The following GOLPH3L variants were observed in gnomAD, a reference collection of about 807,000 sequenced individuals.
The protein encoded by GOLPH3L is golgi phosphoprotein 3 like.
In GOLPH3L, 22 loss-of-function variants were observed where a neutral mutation model predicts 30.3. The ratio of observed to expected loss-of-function variants is 0.73; its 90% CI spans 0.52 to 1.04. The LOEUF (loss-of-function observed/expected upper bound fraction) is 1.04. Ranked by LOEUF, GOLPH3L falls within the 50% of genes least tolerant of loss-of-function variation. The pLI is 0.00. For missense variants in GOLPH3L, 303 were observed against 345.8 expected, an observed-to-expected ratio of 0.88 and a Z score of 0.98; for synonymous variants, 120 against 128.2, an observed-to-expected ratio of 0.94 and a Z score of 0.43.
At chr1:150,684,288 C>T (rs1001879913) in intron 2 of GOLPH3L, among the ~76,000 whole-genome samples, 1 of 152,112 alleles carries the variant, frequency 6.6e-6, no homozygotes, top group Non-Finnish European at 1.5e-5. Flanking sequence ...TAATATAATC[C>T]TACTCTCACA....
chr1:150,655,771 A>G (rs1467337407), intron 4 of GOLPH3L, among the ~76,000 whole-genome samples: 4 of 152,232 alleles, frequency 2.6e-5, no homozygotes, highest in Non-Finnish European at 4.4e-5. Flanking sequence ...ATTAAGAAAA[A>G]ATCAGGTAAA....
intron 2 of GOLPH3L, among the ~76,000 whole-genome samples, chr1:150,674,420 C>G (rs938686730): frequency 4.6e-5 from 7 of 152,026 alleles, no homozygotes; most frequent in Non-Finnish European, 8.8e-5. Context: ...GTCACTAGGC[C>G]TAGCTAATTT....
rs191425948 is a variant in GOLPH3L at position 150,658,146 on chromosome 1, G to A, written c.430+3668C>T. On this transcript the variant is annotated intron_variant, in intron 4 of 4. Transcript: ENST00000271732. ...TCCGGGAGGATCCCGAGGACCCCCC[G>A]GTTGCAGCCATGTCGAGACTGATGC... Among the ~76,000 whole-genome samples the A allele has an allele frequency of 5.6e-4, 86 of 152,320 alleles. 1 individual carries two copies. The East Asian group carries it at 0.011, about 19-fold the overall frequency.
chr1:150,677,347 T>C (rs1320425252), intron 2 of GOLPH3L, among the ~76,000 whole-genome samples: 2 of 151,596 alleles, frequency 1.3e-5, no homozygotes, highest in African/African-American at 4.8e-5. Context: ...AGTGATTCTC[T>C]TGCCTCAACC....
At chr1:150,686,691 T>C (rs1651093849) in intron 2 of GOLPH3L, among the ~76,000 whole-genome samples, 3 of 152,224 alleles carry the variant, frequency 2.0e-5, no homozygotes, top group Non-Finnish European at 2.9e-5. Flanking sequence ...AGCAAGTTTA[T>C]AGGCACAGTG....
rs143722760 is a variant in GOLPH3L at position 150,676,925 on chromosome 1, G to A, written c.184-13162C>T. Among the ~76,000 whole-genome samples, 26 of 151,274 alleles carry A rather than the reference G, an allele frequency of 1.7e-4. No homozygotes were observed. The East Asian group carries it at 5.1e-3, about 29-fold the overall frequency. On this transcript the variant is annotated intron_variant, in intron 2 of 4. Coordinates refer to ENST00000271732, the MANE Select transcript of GOLPH3L (RefSeq NM_018178.6). ...TCCAAAAAATGCTGGGATTACAGGC[G>A]TGAGCCACCGTGCCCAGCCTACATG... is the stretch of plus-strand genomic sequence containing the variant.
chr1:150,682,279 C>T (rs1236282420), intron 2 of GOLPH3L, among the ~76,000 whole-genome samples: 1 of 151,784 alleles, frequency 6.6e-6, no homozygotes, highest in African/African-American at 2.4e-5. Context: ...AGCATATATC[C>T]ATGTTATCTC....
chr1:150,693,793 A>ATGTGTGTGTGTGTGTG (rs1279332986), intron 2 of GOLPH3L, among the ~76,000 whole-genome samples: 1 of 72,422 alleles, frequency 1.4e-5, no homozygotes, highest in African/African-American at 6.8e-5. Flanking sequence ...TCAATTGTTT[A>ATGTGTGTGTGTGTGTG]TGTATGTGTG....
At chr1:150,658,278 G>A (rs1650291317) in intron 4 of GOLPH3L, among the ~76,000 whole-genome samples, 1 of 152,168 alleles carries the variant, frequency 6.6e-6, no homozygotes. Context: ...TGAGGAAATC[G>A]GGACAACCAG....
At chr1:150,696,023 T>A (rs1218611421) in intron 1 of GOLPH3L, among the ~76,000 whole-genome samples, 1 of 152,188 alleles carries the variant, frequency 6.6e-6, no homozygotes, top group African/African-American at 2.4e-5. Context: ...AATCTAGATA[T>A]CAGTTTTTAA....
At chr1:150,650,913 T>C (rs1312128559) in intron 4 of GOLPH3L, among the ~76,000 whole-genome samples, 2 of 152,222 alleles carry the variant, frequency 1.3e-5, no homozygotes, top group Admixed American at 1.3e-4. Flanking sequence ...AACGCTAAAA[T>C]GTTGGACTTT....
At chr1:150,676,493 A>G (rs887580152) in intron 2 of GOLPH3L, among the ~76,000 whole-genome samples, 3 of 152,128 alleles carry the variant, frequency 2.0e-5, no homozygotes, top group Non-Finnish European at 4.4e-5. Flanking sequence ...TGTAATACCA[A>G]TATCATACCT....
chr1:150,650,366 C>A (rs1650077449), intron 4 of GOLPH3L, among the ~76,000 whole-genome samples: 1 of 152,200 alleles, frequency 6.6e-6, no homozygotes, highest in South Asian at 2.1e-4. Flanking sequence ...AGAGCTGCTG[C>A]AGGCAAGTCA....
intron 4 of GOLPH3L, among the ~76,000 whole-genome samples, chr1:150,652,148 GAATGAGTAGACTTATTCA>G (rs1650117129): frequency 1.3e-5 from 2 of 152,102 alleles, no homozygotes; most frequent in South Asian, 4.2e-4. Flanking sequence ...CAGGCCAGAA[GAATGAGTAGACTTATTCA>G]AAGTGAGGGT....
intron 2 of GOLPH3L, among the ~76,000 whole-genome samples, chr1:150,682,500 G>GCACCTGTA (rs2101811788): frequency 6.6e-6 from 1 of 151,794 alleles, no homozygotes; most frequent in Admixed American, 6.6e-5. Flanking sequence ...GTGGTGGCCT[G>GCACCTGTA]CACCTGTAGT....
intron 2 of GOLPH3L, among the ~76,000 whole-genome samples, chr1:150,686,706 C>T (rs1178314238): frequency 1.3e-5 from 2 of 152,164 alleles, no homozygotes; most frequent in Non-Finnish European, 2.9e-5. Flanking sequence ...ACAGTGGTTA[C>T]AGCCAAAATC....
At chr1:150,649,319 G>A (rs1182672787) in intron 4 of GOLPH3L, among the ~76,000 whole-genome samples, 1 of 152,230 alleles carries the variant, frequency 6.6e-6, no homozygotes, top group Non-Finnish European at 1.5e-5. Flanking sequence ...CACTGTAGGA[G>A]AAGTGGGCCC....
At chr1:150,665,383 G>A (rs1379369232) in intron 2 of GOLPH3L, among the ~76,000 whole-genome samples, 1 of 151,874 alleles carries the variant, frequency 6.6e-6, no homozygotes, top group East Asian at 1.9e-4. Flanking sequence ...CTGAAATGCA[G>A]TGGGGCCATC....
chr1:150,667,373 C>A (rs189514500), intron 2 of GOLPH3L, among the ~76,000 whole-genome samples: 2 of 152,256 alleles, frequency 1.3e-5, no homozygotes, highest in Non-Finnish European at 2.9e-5. Flanking sequence ...CCAGGACAAT[C>A]TTTAACATCA....
Sources: gnomAD v4.1 joint callset for allele counts (sites outside exome capture counted in the v4.1 genomes callset) on GRCh38, gnomAD v4.1.1 for gene constraint, MANE v1.5 for transcripts, NCBI Gene and HGNC (gene_info 2026-07-23, HGNC 2026-07-21) for gene names.